IQCF1: variants seen among roughly 807,000 people sequenced by gnomAD.
IQCF1 encodes the protein IQ motif containing F1.
Under a neutral mutation model 12.5 loss-of-function variants are expected in IQCF1, and 9 were observed. That is an observed-to-expected ratio of 0.72 (90% CI 0.43 to 1.26). The LOEUF (loss-of-function observed/expected upper bound fraction) is 1.26, where lower values mean the gene tolerates loss of function less well. Among genes scored for constraint, IQCF1 ranks in the 50% most tolerant of loss-of-function variants. IQCF1 has a pLI of 0.00. For missense variants in IQCF1, 252 were observed against 257.4 expected (o/e 0.98, Z 0.14); for synonymous variants, 67 against 96.2 (o/e 0.70, Z 1.78).
chr3:51,897,735 T>G (rs1176951751), intron 2 of IQCF1, among the ~76,000 whole-genome samples: 1 of 152,200 alleles, frequency 6.6e-6, no homozygotes, highest in East Asian at 1.9e-4. Context: ...TAAATGTGTG[T>G]GCGTGAATGA....
Position 51,903,005 on chromosome 3 carries a change from C to T in IQCF1, c.88G>A (p.Gly30Arg), listed in dbSNP as rs749791236. ...QKEMPTHLSL[G>R]AESKAEAKTP... ...CCTACCTCTGCCTTTGACTCTGCTC[C>T]TAAGGACAAATGGGTTGGCATCTCC... Residue 30 changes from glycine to arginine, a missense_variant, in exon 2 of 4, where the codon GGA (glycine) becomes AGA (arginine). Physicochemically the swap from Gly to Arg is moderately radical, Grantham distance 125. Coordinates refer to ENST00000310914, the MANE Select transcript of IQCF1 (RefSeq NM_152397.3). The T allele has an allele frequency of 6.8e-6, 11 of 1,614,008 alleles. No individual in the cohort carries two copies. The highest frequency in any genetic ancestry group is 8.5e-6 in the Non-Finnish European group (10 of 1,179,976).
At chr3:51,899,231 G>C (rs1699048580) in intron 2 of IQCF1, among the ~76,000 whole-genome samples, 1 of 152,112 alleles carries the variant, frequency 6.6e-6, no homozygotes, top group Non-Finnish European at 1.5e-5. Context: ...ATGTAAAAAG[G>C]GATATTATAT....
chr3:51,899,202 G>C (rs1265215002), intron 2 of IQCF1, among the ~76,000 whole-genome samples: 1 of 152,102 alleles, frequency 6.6e-6, no homozygotes, highest in African/African-American at 2.4e-5. Flanking sequence ...GGAAAAAAAA[G>C]GGGGTGGGGG....
At chr3:51,901,297 T>G (rs1456014546) in intron 2 of IQCF1, among the ~76,000 whole-genome samples, 2 of 152,210 alleles carry the variant, frequency 1.3e-5, no homozygotes, top group African/African-American at 4.8e-5. Context: ...TTCTCTCTGC[T>G]ATATTCTGAA....
chr3:51,899,062 A>G (rs1466065672), intron 2 of IQCF1, among the ~76,000 whole-genome samples: 1 of 152,242 alleles, frequency 6.6e-6, no homozygotes, highest in Non-Finnish European at 1.5e-5. Flanking sequence ...GGTTTTCAAC[A>G]AAAGTAAAGT....
intron 2 of IQCF1, among the ~76,000 whole-genome samples, chr3:51,897,152 C>A (rs1029374482): frequency 1.4e-5 from 2 of 142,438 alleles, no homozygotes; most frequent in African/African-American, 2.6e-5. Flanking sequence ...CTGCCATAAC[C>A]ATTTTTCCTG....
chr3:51,900,189 G>A lies in IQCF1; in HGVS notation c.108+2796C>T, dbSNP rs1223437794. Among the ~76,000 whole-genome samples the A allele has an allele frequency of 6.6e-6, 1 of 151,948 alleles. No individual in the cohort carries two copies. The highest frequency in any genetic ancestry group is 2.4e-5 in the African/African-American group (1 of 41,348). On this transcript the variant is annotated intron_variant, in intron 2 of 3. Transcript: ENST00000310914. The surrounding 1 kb of genome is among the most constrained non-coding windows in gnomAD (Gnocchi z 4.2). ...AAGAAGGAAAACTGCAGCCAGCCTG[G>A]CAAGGACTCTACCCTGTGCTGCTAA...
chr3:51,901,917 A>C (rs1444847380), intron 2 of IQCF1, among the ~76,000 whole-genome samples: 1 of 152,234 alleles, frequency 6.6e-6, no homozygotes, highest in Non-Finnish European at 1.5e-5. Flanking sequence ...CTTAGACATG[A>C]TAATAGCAGA....
At position 51,903,067 on chromosome 3, in the gene IQCF1, G is replaced by C; in HGVS notation, c.26C>G (p.Thr9Arg). Reference protein sequence around the residue: MEEKQPQKTKEPSKEDEPQ... With the variant: MEEKQPQKRKEPSKEDEPQ... ...CTCATCTTCTTTTGAGGGTTCCTTC[G>C]TCTTTTGGGGCTGCTTCTCCTCCTG... is the stretch of plus-strand genomic sequence containing the variant. The change falls in exon 2 of 4, where the codon ACG (threonine) becomes AGG (arginine). Residue 9 changes from threonine (T) to arginine (R), a missense_variant. Thr to Arg is a moderately conservative substitution (Grantham distance 71). Transcript: ENST00000310914. 1 of 1,614,060 alleles carries C rather than the reference G, an allele frequency of 6.2e-7. No individual in the cohort carries two copies. Among genetic ancestry groups the C allele is most frequent in the Non-Finnish European group, 8.5e-7 (1 of 1,180,006 alleles).
At position 51,894,941 on chromosome 3, in the gene IQCF1, G is replaced by A; in HGVS notation, c.567C>T (p.Asp189=). Residue 189 remains aspartate (D), a synonymous_variant, in exon 4 of 4, where the codon GAC becomes GAT. Transcript: ENST00000310914. ...ACTCTGTCACAATGCAAGGCCCTGA[G>A]TCCAGCAAGATCTCCAGCTGGAGAT... ...QLHLQLEILL[D]SGPCIVTECI... 6.2e-7 allele frequency: 1 copy of A among 1,614,162 alleles called. No homozygotes were observed. Among genetic ancestry groups the A allele is most frequent in the Non-Finnish European group, 8.5e-7 (1 of 1,180,038 alleles).
chr3:51,903,123 G>A (rs770419116), intron 1 of IQCF1, 34 bp from the exon 2 acceptor site: 1 of 1,606,512 alleles, frequency 6.2e-7, no homozygotes, highest in South Asian at 1.1e-5. Context: ...GCAAGAGTGA[G>A]GCTGCGGTCC....
chr3:51,902,606 TGC>T (rs2106646977), intron 2 of IQCF1, among the ~76,000 whole-genome samples: 1 of 152,338 alleles, frequency 6.6e-6, no homozygotes, highest in South Asian at 2.1e-4. Flanking sequence ...TCCGATTTCC[TGC>T]TCCGCGGTAA....
At chr3:51,901,818 C>T (rs1024251112) in intron 2 of IQCF1, among the ~76,000 whole-genome samples, 2 of 152,100 alleles carry the variant, frequency 1.3e-5, no homozygotes, top group African/African-American at 4.8e-5. Flanking sequence ...CAACCAACAG[C>T]GATTTATTAA....
In IQCF1 at chr3:51,903,040, G is replaced by A. The variant is rs770473919; in HGVS notation, c.53C>T (p.Pro18Leu). The part of the protein sequence containing the change: ...KTKEPSKEDE[P>L]QQKEMPTHLS... ...ATGGGTTGGCATCTCCTTCTGCTGA[G>A]GCTCATCTTCTTTTGAGGGTTCCTT... Residue 18 changes from proline (P) to leucine (L), a missense_variant, in exon 2 of 4, where the codon CCT becomes CTT. Coordinates refer to ENST00000310914, the MANE Select transcript of IQCF1 (RefSeq NM_152397.3). 1.9e-6 allele frequency: 3 copies of A among 1,614,104 alleles called. No individual in the cohort carries two copies. In the South Asian group the frequency reaches 3.3e-5, roughly 18 times the overall value.
intron 2 of IQCF1, among the ~76,000 whole-genome samples, chr3:51,898,004 C>T (rs1013501692): frequency 6.6e-6 from 1 of 152,202 alleles, no homozygotes; most frequent in African/African-American, 2.4e-5. Context: ...GGGGTTGAAC[C>T]TCACACAAAC....
At chr3:51,897,137 C>T (rs1482115435) in intron 2 of IQCF1, among the ~76,000 whole-genome samples, 4 of 151,688 alleles carry the variant, frequency 2.6e-5, no homozygotes, top group African/African-American at 4.8e-5. Context: ...TTCCGATTTC[C>T]TGCTCTGCCA....
At position 51,895,751 on chromosome 3, in the gene IQCF1, C is replaced by G. The variant is rs150298273; in HGVS notation, c.172-415G>C. On this transcript the variant is annotated intron_variant, in intron 3 of 3. Transcript: ENST00000310914. The surrounding 1 kb of genome is among the most constrained non-coding windows in gnomAD (Gnocchi z 4.8). Reference sequence around the variant, plus strand: ...CCTTTGCCGGCCCTGCCTTCTCATCCCTGACAACCGTTCATAGCCACAGCC... The same window carrying G: ...CCTTTGCCGGCCCTGCCTTCTCATCGCTGACAACCGTTCATAGCCACAGCC... Among the ~76,000 whole-genome samples the G allele has an allele frequency of 1.3e-5, 2 of 152,198 alleles. No homozygotes were observed. Among genetic ancestry groups the G allele is most frequent in the African/African-American group, 2.4e-5 (1 of 41,440 alleles).
chr3:51,898,361 C>A (rs897584659), intron 2 of IQCF1, among the ~76,000 whole-genome samples: 1 of 152,128 alleles, frequency 6.6e-6, no homozygotes, highest in African/African-American at 2.4e-5. Context: ...AATTGAAGGT[C>A]TTCTCCGGGA....
In IQCF1 at chr3:51,895,735, G is replaced by T. The variant is rs74901757; in HGVS notation, c.172-399C>A. Among the ~76,000 whole-genome samples, 158 of 152,202 alleles carry T rather than the reference G, an allele frequency of 1.0e-3. 3 individuals carry two copies. In the East Asian group the frequency reaches 0.028, roughly 27 times the overall value. On this transcript the variant is annotated intron_variant, in intron 3 of 3. Transcript: ENST00000310914. This position sits in a 1 kb window ranked among gnomAD's most constrained non-coding sequence, Gnocchi z 4.8. ...ACTGGAGAAGTCACATCCTTTGCCG[G>T]CCCTGCCTTCTCATCCCTGACAACC...
Sources: gnomAD v4.1 joint callset for allele counts (sites outside exome capture counted in the v4.1 genomes callset) on GRCh38, gnomAD v4.1.1 for gene constraint, Gnocchi (gnomAD v3.1) non-coding constraint, MANE v1.5 for transcripts, NCBI Gene and HGNC (gene_info 2026-07-23, HGNC 2026-07-21) for gene names.